PROSER2: variants seen among roughly 807,000 people sequenced by gnomAD.
PROSER2 encodes proline and serine-rich protein 2.
In PROSER2, 18 loss-of-function variants were observed where a neutral mutation model predicts 14.6. The observed-to-expected ratio is 1.23, with a 90% confidence interval of 0.85 to 1.83. The LOEUF is 1.83. Ranked by LOEUF, PROSER2 falls within the 40% of genes most tolerant of loss-of-function variation. The pLI, the probability that PROSER2 is intolerant of heterozygous loss-of-function variation, is 0.00. For missense variants in PROSER2, 823 were observed against 629.8 expected (o/e 1.31, Z -3.28); for synonymous variants, 367 against 286.4 (o/e 1.28, Z -2.84).
intron 2 of PROSER2, among the ~76,000 whole-genome samples, chr10:11,858,719 G>T (rs1651391528): frequency 6.6e-6 from 1 of 152,112 alleles, no homozygotes; most frequent in African/African-American, 2.4e-5. Flanking sequence ...AGGATAGAAT[G>T]TGAGGGATGG....
intron 2 of PROSER2, among the ~76,000 whole-genome samples, chr10:11,863,203 C>T (rs772345188): frequency 6.6e-6 from 1 of 152,122 alleles, no homozygotes; most frequent in Non-Finnish European, 1.5e-5. Context: ...ATCCCCAAAA[C>T]AACAGTGTAC....
At position 11,862,809 on chromosome 10, in the gene PROSER2, G is replaced by A. The variant is rs986690545; in HGVS notation, c.139-3722G>A. The A allele has an allele frequency of 2.6e-5, 4 of 152,134 alleles. No individual in the cohort carries two copies. The highest frequency in any genetic ancestry group is 2.0e-4 in the Admixed American group (3 of 15,268). The allele number at this position is 152,134 out of a possible 1,614,324, so 9.4% of individuals were successfully genotyped here. On this transcript the variant is annotated intron_variant, in intron 2 of 3. Coordinates refer to ENST00000277570, the MANE Select transcript of PROSER2 (RefSeq NM_153256.4). The surrounding 1 kb of genome is among the most constrained non-coding windows in gnomAD (Gnocchi z 4.2). ...TTATCCCAAACATTTCCGATGAGGA[G>A]TACTCACCTGTATTATGGAGAAAAA...
At position 11,856,313 on chromosome 10, in the gene PROSER2, C is replaced by T. The variant is rs1834121852; in HGVS notation, c.138+4098C>T. Among the ~76,000 whole-genome samples the T allele has an allele frequency of 1.3e-5, 2 of 152,198 alleles. No individual in the cohort carries two copies. Among genetic ancestry groups the T allele is most frequent in the Admixed American group, 6.5e-5 (1 of 15,274 alleles). On this transcript the variant is annotated intron_variant, in intron 2 of 3. Transcript: ENST00000277570. This position sits in a 1 kb window ranked among gnomAD's most constrained non-coding sequence, Gnocchi z 5.3. ...GGGCTCACCTCGTCTCACAAAACCC[C>T]CTGGGTGCACGGCGAGGGCACGGTG...
intron 1 of PROSER2, chr10:11,850,141 C>T (rs1205417686): frequency 6.6e-6 from 1 of 152,256 alleles, no homozygotes; most frequent in Admixed American, 6.6e-5. Flanking sequence ...GGGTGTGGGA[C>T]CAGAAGGGAA....
chr10:11,847,486 C>T (rs989728185), intron 1 of PROSER2, among the ~76,000 whole-genome samples: 16 of 152,172 alleles, frequency 1.1e-4, no homozygotes, highest in Non-Finnish European at 2.1e-4. Flanking sequence ...GGCGCAATCT[C>T]TGCTCACTGC....
chr10:11,826,386 C>T (rs531151691), intron 1 of PROSER2, among the ~76,000 whole-genome samples: 1 of 152,042 alleles, frequency 6.6e-6, no homozygotes, highest in Admixed American at 6.6e-5. Context: ...CTTTTGGGTC[C>T]GTACCTGAAA....
intron 1 of PROSER2, among the ~76,000 whole-genome samples, chr10:11,846,420 CTG>C (rs1477783735): frequency 6.6e-6 from 1 of 152,210 alleles, no homozygotes; most frequent in Non-Finnish European, 1.5e-5. Flanking sequence ...TCACATCTCT[CTG>C]TGCTACAATC....
At chr10:11,831,466 A>G (rs76172590) in intron 1 of PROSER2, among the ~76,000 whole-genome samples, 2,654 of 152,360 alleles carry the variant, frequency 0.017, 69 homozygotes, top group African/African-American at 0.059. Flanking sequence ...TAATAGACAT[A>G]CCAGCTGTCC....
At chr10:11,844,231 A>G (rs1469805608) in intron 1 of PROSER2, among the ~76,000 whole-genome samples, 1 of 152,078 alleles carries the variant, frequency 6.6e-6, no homozygotes. Context: ...ACCTCAAGAA[A>G]TGCTCCCACT....
At chr10:11,855,453 G>A (rs1216706994) in intron 2 of PROSER2, among the ~76,000 whole-genome samples, 8 of 138,506 alleles carry the variant, frequency 5.8e-5, no homozygotes, top group Admixed American at 2.3e-4. Context: ...CATCCTGGGC[G>A]ACAGAGCAAG....
At position 11,871,110 on chromosome 10, in the gene PROSER2, ATGTT is replaced by A; in HGVS notation, c.*706_*709del. On this transcript the variant is annotated 3_prime_UTR_variant, in exon 4 of 4. Coordinates refer to ENST00000277570, the MANE Select transcript of PROSER2 (RefSeq NM_153256.4). ...TGCGTGAGCCTGTGTTTGTGTGTGT[ATGTT>A]TTTAGATACGTACGTGTCAACACAT... is the stretch of plus-strand genomic sequence containing the variant. 6.6e-6 allele frequency: 1 copy of A among 152,320 alleles called. No individual in the cohort carries two copies. Among genetic ancestry groups the A allele is most frequent in the Non-Finnish European group, 1.5e-5 (1 of 68,038 alleles). 9.4% of individuals were successfully genotyped at this position (152,320 alleles called of 1,614,324 possible). A position where few individuals can be genotyped will look rare whatever the true frequency, so the allele number is the denominator to read the frequency against.
At chr10:11,861,258 C>T (rs1834231897) in intron 2 of PROSER2, among the ~76,000 whole-genome samples, 1 of 152,194 alleles carries the variant, frequency 6.6e-6, no homozygotes, top group Non-Finnish European at 1.5e-5. Context: ...CATTTCCTCT[C>T]TGAAGTTTTT....
intron 2 of PROSER2, among the ~76,000 whole-genome samples, chr10:11,859,919 G>A (rs776474603): frequency 3.6e-4 from 55 of 152,180 alleles, no homozygotes; most frequent in Non-Finnish European, 7.2e-4. Flanking sequence ...GCTCCCCCAG[G>A]CCATCTCTTT....
chr10:11,863,533 A>G (rs1208957825), intron 2 of PROSER2, among the ~76,000 whole-genome samples: 2 of 149,734 alleles, frequency 1.3e-5, no homozygotes, highest in Non-Finnish European at 3.0e-5. Flanking sequence ...GAGTGAAACC[A>G]TCCCCCCCAC....
At chr10:11,858,094 C>T (rs1834158815) in intron 2 of PROSER2, among the ~76,000 whole-genome samples, 1 of 152,106 alleles carries the variant, frequency 6.6e-6, no homozygotes, top group Admixed American at 6.6e-5. Flanking sequence ...GCTACCACGC[C>T]TGGCTAATTT....
intron 1 of PROSER2, among the ~76,000 whole-genome samples, chr10:11,834,817 T>C (rs909327112): frequency 2.0e-5 from 3 of 151,630 alleles, no homozygotes; most frequent in Non-Finnish European, 4.4e-5. Flanking sequence ...ATGTTAGTTA[T>C]TGAGGCTGGG....
chr10:11,870,679 CTGTT>C lies in PROSER2; in HGVS notation c.*274_*277del. On this transcript the variant is annotated 3_prime_UTR_variant, in exon 4 of 4. Transcript: ENST00000277570. ...CAAGAACTGAGAGAGAGAGAATAAC[CTGTT>C]AGACCCATAGGTTTCCGTGATGTGT... 2.6e-6 allele frequency: 1 copy of C among 384,186 alleles called. No homozygotes were observed. Among genetic ancestry groups the C allele is most frequent in the Non-Finnish European group, 4.8e-6 (1 of 206,976 alleles). The allele number at this position is 384,186 out of a possible 1,614,324, so 23.8% of individuals were successfully genotyped here.
chr10:11,834,101 T>C (rs1005498060), intron 1 of PROSER2, among the ~76,000 whole-genome samples: 13 of 149,312 alleles, frequency 8.7e-5, no homozygotes, highest in Admixed American at 8.1e-4. Context: ...TTCAAGCGAT[T>C]CTCCTGCTTC....
chr10:11,869,939 C>T lies in PROSER2; in HGVS notation c.841C>T (p.Arg281Cys), dbSNP rs1381467921. Residue 281 changes from arginine (R) to cysteine (C), a missense_variant, in exon 4 of 4, where the codon CGC (arginine) becomes TGC (cysteine). Physicochemically the swap from Arg to Cys is radical, Grantham distance 180. Transcript: ENST00000277570. This position sits in a 1 kb window ranked among gnomAD's most constrained non-coding sequence, Gnocchi z 4.4. ...CAGGGCGGCCGTCAGCGTGCAGGAG[C>T]GCAGGGCGCAGGTGTTGGCCACCAT... is the stretch of plus-strand genomic sequence containing the variant. ...LSRAAVSVQERRAQVLATIHG... is the reference protein window; with the variant it reads ...LSRAAVSVQECRAQVLATIHG... 12 of 1,523,722 alleles carry T rather than the reference C, an allele frequency of 7.9e-6. No individual in the cohort carries two copies. Among genetic ancestry groups the T allele is most frequent in the East Asian group, 2.5e-5 (1 of 39,404 alleles). 94.4% of individuals were successfully genotyped at this position (1,523,722 alleles called of 1,614,324 possible).
Sources: gnomAD v4.1 joint callset for allele counts (sites outside exome capture counted in the v4.1 genomes callset) on GRCh38, gnomAD v4.1.1 for gene constraint, Gnocchi (gnomAD v3.1) non-coding constraint, MANE v1.5 for transcripts, NCBI Gene and HGNC (gene_info 2026-07-23, HGNC 2026-07-21) for gene names.